ZNF680: variants seen among roughly 807,000 people sequenced by gnomAD.
The protein encoded by ZNF680 is hypothetical protein FLJ90430.
A neutral mutation model predicts 12.1 loss-of-function variants in ZNF680; 6 were observed. The ratio of observed to expected loss-of-function variants is 0.49; its 90% CI spans 0.27 to 0.98. The LOEUF is 0.98. ZNF680 is among the 50% of genes least tolerant of loss of function. The pLI is 0.12. For synonymous variants in ZNF680, 170 were observed against 199.3 expected (o/e 0.85, Z 1.24); for missense variants, 561 against 616.3 (o/e 0.91, Z 0.95).
intron 1 of ZNF680, among the ~76,000 whole-genome samples, chr7:64,551,133 T>A (rs140974843): frequency 3.8e-4 from 58 of 152,272 alleles, no homozygotes; most frequent in African/African-American, 1.3e-3. Flanking sequence ...CACCTGGTAA[T>A]TGGGGAGGCC....
chr7:64,548,585 C>A (rs1786899783), intron 1 of ZNF680, among the ~76,000 whole-genome samples: 2 of 152,100 alleles, frequency 1.3e-5, no homozygotes, highest in South Asian at 4.2e-4. Context: ...ACTTAAGAAA[C>A]TCTCATCTGG....
the ZNF680 span, among the ~76,000 whole-genome samples, chr7:64,514,426 T>C: frequency 6.6e-6 from 1 of 152,210 alleles, no homozygotes; most frequent in African/African-American, 2.4e-5. Flanking sequence ...CCTAAACATT[T>C]TGTCATTTAT....
chr7:64,500,024 C>G, the ZNF680 span, among the ~76,000 whole-genome samples: 2 of 152,144 alleles, frequency 1.3e-5, no homozygotes, highest in African/African-American at 4.8e-5. Context: ...TCCAAGCCTC[C>G]GATAAACTCT....
Position 64,520,783 on chromosome 7 carries a change from T to A in ZNF680, c.*378A>T, listed in dbSNP as rs1042354176. On this transcript the variant is annotated 3_prime_UTR_variant, in exon 4 of 4. Transcript: ENST00000309683. ...TACAACCCTCCTATGCTCCTTATAT[T>A]TGTTATGTTTGTCTTCAAAATAAAC... is the stretch of plus-strand genomic sequence containing the variant. The A allele has an allele frequency of 1.1e-5, 2 of 177,164 alleles. No homozygotes were observed. Among genetic ancestry groups the A allele is most frequent in the African/African-American group, 4.9e-5 (2 of 41,156 alleles). The allele number at this position is 177,164 out of a possible 1,614,324, so 11.0% of individuals were successfully genotyped here. A position where few individuals can be genotyped will look rare whatever the true frequency, so the allele number is the denominator to read the frequency against.
intron 2 of ZNF680, 86 bp from the exon 3 acceptor site, chr7:64,543,888 T>C: frequency 2.8e-6 from 3 of 1,066,122 alleles, no homozygotes; most frequent in South Asian, 2.9e-5. Context: ...GAGAATGTCA[T>C]AGCATATTCT....
chr7:64,546,721 C>T (rs1436521887), intron 1 of ZNF680, among the ~76,000 whole-genome samples: 2 of 152,114 alleles, frequency 1.3e-5, no homozygotes, highest in Non-Finnish European at 2.9e-5. Context: ...CCAGTTTGGG[C>T]GACAGAGTGA....
chr7:64,499,857 T>C, the ZNF680 span, among the ~76,000 whole-genome samples: 1 of 152,202 alleles, frequency 6.6e-6, no homozygotes, highest in African/African-American at 2.4e-5. Context: ...AGTAAAACAG[T>C]GGGCCTTAAT....
chr7:64,539,347 G>A (rs1484922366), intron 3 of ZNF680, among the ~76,000 whole-genome samples: 9 of 30,300 alleles, frequency 3.0e-4, no homozygotes, highest in African/African-American at 2.0e-3. Context: ...GCAAAACTTC[G>A]TCTCAAAAAA....
chr7:64,543,419 C>T (rs1310530277), intron 3 of ZNF680, among the ~76,000 whole-genome samples: 1 of 152,108 alleles, frequency 6.6e-6, no homozygotes, highest in Admixed American at 6.6e-5. Flanking sequence ...GTCCCTAAAA[C>T]AATGGAACAT....
At chr7:64,531,051 C>T (rs956006526) in intron 3 of ZNF680, among the ~76,000 whole-genome samples, 58 of 151,976 alleles carry the variant, frequency 3.8e-4, no homozygotes, top group Admixed American at 3.8e-3. Context: ...TTCAATAGTC[C>T]ACTGACAGAA....
the ZNF680 span, among the ~76,000 whole-genome samples, chr7:64,508,140 T>TATATATATATAC: frequency 7.4e-6 from 1 of 134,826 alleles, no homozygotes; most frequent in African/African-American, 2.9e-5. Flanking sequence ...TATATATATA[T>TATATATATATAC]ATACATAATT....
At chr7:64,557,479 C>T (rs954257798) in intron 1 of ZNF680, among the ~76,000 whole-genome samples, 3 of 149,458 alleles carry the variant, frequency 2.0e-5, no homozygotes, top group Non-Finnish European at 4.4e-5. Flanking sequence ...CGCTTGAATC[C>T]GGGAGGCAGA....
At chr7:64,503,590 A>G in the ZNF680 span, among the ~76,000 whole-genome samples, 1 of 152,148 alleles carries the variant, frequency 6.6e-6, no homozygotes, top group Non-Finnish European at 1.5e-5. Flanking sequence ...CATGTTGGTC[A>G]GGCTGGTCTC....
Position 64,554,475 on chromosome 7 carries a change from G to GC in ZNF680, c.30+8449dup, listed in dbSNP as rs1328693124. Among the ~76,000 whole-genome samples, 23 of 152,266 alleles carry GC rather than the reference G, an allele frequency of 1.5e-4. No homozygotes were observed. In the East Asian group the frequency reaches 3.7e-3, roughly 24 times the overall value. On this transcript the variant is annotated intron_variant, in intron 1 of 3. Transcript: ENST00000309683. ...GGTGGGGGGGCGCCTCTGACCGGCT[G>GC]CCCCGTCTGGGAGGTGTACCCAACA...
At chr7:64,508,056 T>C in the ZNF680 span, among the ~76,000 whole-genome samples, 2 of 149,000 alleles carry the variant, frequency 1.3e-5, no homozygotes, top group African/African-American at 4.9e-5. Flanking sequence ...TCTCTAAATG[T>C]CTAAGTAAAT....
intron 1 of ZNF680, among the ~76,000 whole-genome samples, chr7:64,554,634 T>C (rs1335346260): frequency 6.6e-6 from 1 of 152,200 alleles, no homozygotes; most frequent in Non-Finnish European, 1.5e-5. Context: ...TCCATTTTGT[T>C]CTGTACTGGC....
the ZNF680 span, among the ~76,000 whole-genome samples, chr7:64,508,147 A>ATATATATATATATATATATATATAT: frequency 4.2e-4 from 57 of 135,288 alleles, no homozygotes; most frequent in African/African-American, 1.4e-3. Flanking sequence ...ATATATACAT[A>ATATATATATATATATATATATATAT]ATTTTTTTTT....
chr7:64,531,630 C>T (rs1785892477), intron 3 of ZNF680, among the ~76,000 whole-genome samples: 1 of 150,384 alleles, frequency 6.6e-6, no homozygotes. Flanking sequence ...GAAATCAACT[C>T]CAAAAAAACC....
At chr7:64,554,998 A>AT (rs1055423900) in intron 1 of ZNF680, among the ~76,000 whole-genome samples, 11 of 152,058 alleles carry the variant, frequency 7.2e-5, no homozygotes, top group South Asian at 2.1e-4. Flanking sequence ...TACTAAAAAA[A>AT]TTAAAAAAAA....
Sources: allele counts gnomAD v4.1 joint callset (sites outside exome capture counted in the v4.1 genomes callset), GRCh38; gene constraint gnomAD v4.1.1; transcripts MANE v1.5; gene names NCBI Gene and HGNC (gene_info 2026-07-23, HGNC 2026-07-21).